Variants in CCDC192 observed in about 807,000 individuals in gnomAD.
CCDC192 encodes the protein coiled-coil domain containing 192.
chr5:127,871,979 T>C (rs754209338), intron 5 of CCDC192, among the ~76,000 whole-genome samples: 4 of 152,218 alleles, frequency 2.6e-5, no homozygotes, highest in Non-Finnish European at 5.9e-5. Flanking sequence ...GATTCAAGTA[T>C]GACATTTGGG....
At chr5:127,940,803 G>C (rs1405718819) in intron 6 of CCDC192, 5 of 161,668 alleles carry the variant, frequency 3.1e-5, no homozygotes, top group Non-Finnish European at 6.7e-5. Context: ...AATTCTACTT[G>C]ATTATAGCTC....
At chr5:127,786,316 AC>A in intron 3 of CCDC192, 1 of 632,114 alleles carries the variant, frequency 1.6e-6, no homozygotes, top group Non-Finnish European at 2.9e-6. Flanking sequence ...ACTCTCTGTG[AC>A]ATAAAATCTC....
intron 5 of CCDC192, among the ~76,000 whole-genome samples, chr5:127,858,827 T>C (rs1476407712): frequency 6.6e-6 from 1 of 152,064 alleles, no homozygotes; most frequent in African/African-American, 2.4e-5. Flanking sequence ...GCAGCTGTAT[T>C]CAGAAAAAAG....
At chr5:127,740,318 A>T (rs532490438) in intron 2 of CCDC192, 3 of 152,358 alleles carry the variant, frequency 2.0e-5, no homozygotes, top group African/African-American at 7.2e-5. Flanking sequence ...GGAAATTCAC[A>T]GCAAAAGTGA....
intron 2 of CCDC192, among the ~76,000 whole-genome samples, chr5:127,737,988 T>C (rs1236885650): frequency 2.0e-5 from 3 of 151,944 alleles, no homozygotes; most frequent in Non-Finnish European, 4.4e-5. Context: ...GTTAGCTGGT[T>C]ATTTTGCTCG....
At chr5:127,748,908 T>C (rs2126858938) in intron 2 of CCDC192, among the ~76,000 whole-genome samples, 1 of 151,742 alleles carries the variant, frequency 6.6e-6, no homozygotes, top group South Asian at 2.1e-4. Context: ...GGCTCTCTGT[T>C]TGTCTGTTGT....
At chr5:127,813,071 T>C (rs1758169927) in intron 5 of CCDC192, among the ~76,000 whole-genome samples, 1 of 152,220 alleles carries the variant, frequency 6.6e-6, no homozygotes, top group African/African-American at 2.4e-5. Flanking sequence ...TGGATGCATG[T>C]TCCTGGAGAC....
In CCDC192 at chr5:127,741,108, T is replaced by A. The variant is rs547344291; in HGVS notation, c.115-13160T>A. On this transcript the variant is annotated intron_variant, in intron 2 of 6. Transcript: ENST00000514853. ...CAGGTTCTTGCTCTATCATCCAAGC[T>A]GGAGTGCAGTGGCGTAATCTCGGCT... Among the ~76,000 whole-genome samples, 11 of 152,334 alleles carry A rather than the reference T, an allele frequency of 7.2e-5. 1 individual carries two copies. In the South Asian group the frequency reaches 2.3e-3, roughly 32 times the overall value.
chr5:127,876,013 G>A (rs150446940), intron 6 of CCDC192, among the ~76,000 whole-genome samples: 2 of 151,796 alleles, frequency 1.3e-5, no homozygotes, highest in Admixed American at 6.6e-5. Flanking sequence ...GTGAGACAGA[G>A]CTGTCTGAAA....
At chr5:127,911,361 C>G (rs1475005230) in intron 6 of CCDC192, among the ~76,000 whole-genome samples, 1 of 152,150 alleles carries the variant, frequency 6.6e-6, no homozygotes, top group Non-Finnish European at 1.5e-5. Flanking sequence ...TGAAGAGAAG[C>G]TGGGAGCTAA....
chr5:127,830,615 T>C (rs1208782509), intron 5 of CCDC192, among the ~76,000 whole-genome samples: 1 of 152,190 alleles, frequency 6.6e-6, no homozygotes. Context: ...TTAAAGACTT[T>C]ATGTCCAAAT....
chr5:127,921,812 G>C (rs1753730201), intron 6 of CCDC192, among the ~76,000 whole-genome samples: 1 of 152,036 alleles, frequency 6.6e-6, no homozygotes, highest in Admixed American at 6.6e-5. Flanking sequence ...TCATTCCCTG[G>C]CTCTCAGATG....
chr5:127,809,964 C>A (rs1757989882), intron 5 of CCDC192, among the ~76,000 whole-genome samples: 1 of 152,108 alleles, frequency 6.6e-6, no homozygotes, highest in South Asian at 2.1e-4. Flanking sequence ...TTATTCATAG[C>A]CTAAATATGA....
At chr5:127,856,197 T>A (rs1751085811) in intron 5 of CCDC192, among the ~76,000 whole-genome samples, 1 of 152,242 alleles carries the variant, frequency 6.6e-6, no homozygotes, top group South Asian at 2.1e-4. Flanking sequence ...GATAACTTCC[T>A]ACAGCTTCTA....
chr5:127,854,272 A>G (rs1411731183), intron 5 of CCDC192, among the ~76,000 whole-genome samples: 2 of 151,980 alleles, frequency 1.3e-5, no homozygotes. Flanking sequence ...CAATCTCTTC[A>G]ATTAAATGCC....
chr5:127,892,612 A>G (rs73331837), intron 6 of CCDC192, among the ~76,000 whole-genome samples: 322 of 152,296 alleles, frequency 2.1e-3, no homozygotes, highest in African/African-American at 7.4e-3. Context: ...GAGCTCTAGT[A>G]GTTCACTTGG....
intron 5 of CCDC192, among the ~76,000 whole-genome samples, chr5:127,803,332 C>G (rs1347924668): frequency 6.6e-6 from 1 of 152,080 alleles, no homozygotes; most frequent in Non-Finnish European, 1.5e-5. Flanking sequence ...TAAGGGTTAC[C>G]CCTCCCAGTG....
intron 1 of CCDC192, 95 bp from the exon 2 acceptor site, chr5:127,707,614 T>C (rs947801452): frequency 6.4e-5 from 25 of 393,184 alleles, no homozygotes; most frequent in Middle Eastern, 6.4e-4. Flanking sequence ...AATGTTACAG[T>C]GTAATGATCT....
chr5:127,845,769 A>G (rs1199814726), intron 5 of CCDC192, among the ~76,000 whole-genome samples: 1 of 152,232 alleles, frequency 6.6e-6, no homozygotes, highest in Non-Finnish European at 1.5e-5. Flanking sequence ...GCATGAAAAA[A>G]TTATGCTGAG....
Sources: allele counts gnomAD v4.1 joint callset (sites outside exome capture counted in the v4.1 genomes callset), GRCh38; gene constraint gnomAD v4.1.1; transcripts MANE v1.5; gene names NCBI Gene and HGNC (gene_info 2026-07-23, HGNC 2026-07-21).